ENG: variants seen among roughly 807,000 people sequenced by gnomAD.
ENG encodes CD105 antigen.
In ENG, 17 loss-of-function variants were observed where a neutral mutation model predicts 71.0. That is an observed-to-expected ratio of 0.24 (90% CI 0.16 to 0.36). The LOEUF is 0.36. Among genes scored for constraint, ENG ranks in the 10% least tolerant of loss-of-function variants. The pLI, the probability that ENG is intolerant of heterozygous loss-of-function variation, is 1.00. For missense variants in ENG, 749 were observed against 868.3 expected, an observed-to-expected ratio of 0.86 and a Z score of 1.73; for synonymous variants, 360 against 366.9, an observed-to-expected ratio of 0.98 and a Z score of 0.21.
In ENG at chr9:127,838,952, C is replaced by A. The variant is rs369452788; in HGVS notation, c.219+4142G>T. Among the ~76,000 whole-genome samples, 1 of 152,188 alleles carries A rather than the reference C, an allele frequency of 6.6e-6. No homozygotes were observed. The highest frequency in any genetic ancestry group is 6.5e-5 in the Admixed American group (1 of 15,284). On this transcript the variant is annotated intron_variant, in intron 2 of 14. Coordinates refer to ENST00000373203, the MANE Select transcript of ENG (RefSeq NM_001114753.3). The surrounding 1 kb of genome is among the most constrained non-coding windows in gnomAD (Gnocchi z 4.3). ...TGAGGGATGGACGGGAAAGCCACTTCTCTGTGCCAGAGATCGAAGAAGCCG... is the reference window on the plus strand; with the variant it reads ...TGAGGGATGGACGGGAAAGCCACTTATCTGTGCCAGAGATCGAAGAAGCCG...
intron 1 of ENG, among the ~76,000 whole-genome samples, chr9:127,850,760 G>A (rs946819696): frequency 1.3e-5 from 2 of 152,242 alleles, no homozygotes; most frequent in Non-Finnish European, 2.9e-5. Flanking sequence ...CACAGGCCAC[G>A]AGCCGCTGCA....
intron 8 of ENG, among the ~76,000 whole-genome samples, chr9:127,823,800 G>A (rs1020821564): frequency 6.7e-6 from 1 of 148,342 alleles, no homozygotes; most frequent in Non-Finnish European, 1.5e-5. Flanking sequence ...TTGTTCCTCA[G>A]CCTCCCAAGT....
intron 2 of ENG, among the ~76,000 whole-genome samples, chr9:127,834,171 C>T (rs1830836957): frequency 6.6e-6 from 1 of 152,184 alleles, no homozygotes; most frequent in South Asian, 2.1e-4. Flanking sequence ...CTCCTGGGTT[C>T]AAGCAATTGT....
At chr9:127,843,065 C>T in intron 2 of ENG, 29 bp downstream of exon 2, 1 of 1,613,438 alleles carries the variant, frequency 6.2e-7, no homozygotes, top group Non-Finnish European at 8.5e-7. Context: ...CCTCTGAGCC[C>T]CCACCCGACC....
Position 127,828,792 on chromosome 9 carries a change from C to T in ENG, c.360+895G>A, listed in dbSNP as rs41467744. ...CCGGAAGCTTCTCCCCTGTCCCCCA[C>T]GCCCAACTTCGCTCAAGCCTGCCTC... On this transcript the variant is annotated intron_variant, in intron 3 of 14. Coordinates refer to ENST00000373203, the MANE Select transcript of ENG (RefSeq NM_001114753.3). Among the ~76,000 whole-genome samples the T allele has an allele frequency of 8.2e-3, 1,245 of 152,280 alleles. 12 individuals carry two copies. The highest frequency in any genetic ancestry group is 0.028 in the African/African-American group (1,149 of 41,540).
In ENG at chr9:127,819,762, A is replaced by G. The variant is rs1830428305; in HGVS notation, c.1273-102T>C. On this transcript the variant is annotated intron_variant, in intron 9 of 14. Coordinates refer to ENST00000373203, the MANE Select transcript of ENG (RefSeq NM_001114753.3). ...TGCAGATGGGGAGACTAAGCCAACC[A>G]ATGGCCAAGCTTGTCTTGTGTTCTG... 3.1e-6 allele frequency: 5 copies of G among 1,595,452 alleles called. No individual in the cohort carries two copies. In the South Asian group the frequency reaches 5.6e-5, roughly 18 times the overall value.
chr9:127,817,881 G>A, intron 12 of ENG: 2 of 609,152 alleles, frequency 3.3e-6, no homozygotes, highest in East Asian at 5.6e-5. Flanking sequence ...TGGATGGATG[G>A]ATAGATGGAC....
Position 127,826,528 on chromosome 9 carries a change from G to A in ENG, c.505C>T (p.Leu169Phe), listed in dbSNP as rs2131890408. 6.2e-7 allele frequency: 1 copy of A among 1,614,132 alleles called. No individual in the cohort carries two copies. The highest frequency in any genetic ancestry group is 8.5e-7 in the Non-Finnish European group (1 of 1,179,990). ...AAELNDPQSILLRLGQAQGSL... is the reference protein window; with the variant it reads ...AAELNDPQSIFLRLGQAQGSL... ...AACTGACCTTGGCCCAGTCGGAGGA[G>A]GATGCTCTGGGGGTCATTCAGCTCA... Residue 169 changes from leucine (L) to phenylalanine (F), a missense_variant, in exon 4 of 15, where the codon CTC becomes TTC. By Grantham distance (22) the Leu-to-Phe change is conservative. Coordinates refer to ENST00000373203, the MANE Select transcript of ENG (RefSeq NM_001114753.3).
intron 4 of ENG, 47 bp from the exon 5 acceptor site, chr9:127,825,907 C>T (rs1388954906): frequency 6.4e-7 from 1 of 1,551,016 alleles, no homozygotes; most frequent in Admixed American, 1.9e-5. Context: ...CAGCCCTGCA[C>T]CTAACAGAGC....
intron 2 of ENG, among the ~76,000 whole-genome samples, chr9:127,831,835 G>A (rs1041283732): frequency 6.6e-6 from 1 of 151,456 alleles, no homozygotes; most frequent in African/African-American, 2.4e-5. Context: ...AGGACTACAG[G>A]CGTGTGCCAC....
chr9:127,831,378 CTT>C (rs796420341), intron 2 of ENG, among the ~76,000 whole-genome samples: 1 of 136,320 alleles, frequency 7.3e-6, no homozygotes. Flanking sequence ...GCCAGGTTGG[CTT>C]TTTTTTTTTT....
chr9:127,844,958 G>A (rs1053083569), intron 1 of ENG, among the ~76,000 whole-genome samples: 1 of 152,220 alleles, frequency 6.6e-6, no homozygotes, highest in Non-Finnish European at 1.5e-5. Flanking sequence ...GCAGACCGCA[G>A]AGCCCGGAAA....
chr9:127,827,057 T>C, intron 3 of ENG: 1 of 283,118 alleles, frequency 3.5e-6, no homozygotes, highest in Non-Finnish European at 7.0e-6. Context: ...TGCCCATCCT[T>C]GCACAGTGCT....
Position 127,838,024 on chromosome 9 carries a change from G to A in ENG, c.219+5070C>T, listed in dbSNP as rs994530609. Among the ~76,000 whole-genome samples the A allele has an allele frequency of 1.3e-5, 2 of 152,070 alleles. No homozygotes were observed. Among genetic ancestry groups the A allele is most frequent in the Non-Finnish European group, 2.9e-5 (2 of 68,016 alleles). On this transcript the variant is annotated intron_variant, in intron 2 of 14. Transcript: ENST00000373203. The surrounding 1 kb of genome is among the most constrained non-coding windows in gnomAD (Gnocchi z 4.3). ...AGTGCTTTCTCCTTCTCATCACTGT[G>A]GTTCTGACAGCCAGCAAGGGTGCTC...
rs1830398628 is a variant in ENG, at chr9:127,818,787, C to G, written c.1357G>C (p.Gly453Arg). Residue 453 changes from glycine to arginine, a missense_variant, in exon 11 of 15, where the codon GGC becomes CGC. Coordinates refer to ENST00000373203, the MANE Select transcript of ENG (RefSeq NM_001114753.3). The part of the protein sequence containing the change: ...LNMDSLSFQL[G>R]LYLSPHFLQA... Reference sequence around the variant, plus strand: ...AGGAAGTGTGGGCTGAGGTAGAGGCCCAGCTGGAAAGAGAGGCTGTCCATG... The same window carrying G: ...AGGAAGTGTGGGCTGAGGTAGAGGCGCAGCTGGAAAGAGAGGCTGTCCATG... 1 of 1,614,054 alleles carries G rather than the reference C, an allele frequency of 6.2e-7. No homozygotes were observed. Among genetic ancestry groups the G allele is most frequent in the Non-Finnish European group, 8.5e-7 (1 of 1,180,002 alleles).
chr9:127,837,163 T>C (rs1201249966), intron 2 of ENG, among the ~76,000 whole-genome samples: 3 of 152,168 alleles, frequency 2.0e-5, no homozygotes, highest in South Asian at 4.1e-4. Flanking sequence ...GTTTAGGGGC[T>C]GGGAAGCATG....
At chr9:127,817,813 G>GT (rs1014414865) in intron 12 of ENG, 122 of 520,886 alleles carry the variant, frequency 2.3e-4, no homozygotes, top group Middle Eastern at 1.0e-3. Context: ...TGTGCGGGTG[G>GT]TTAGATTCCT....
At chr9:127,824,498 G>C in intron 7 of ENG, 52 bp from the exon 8 acceptor site, 1 of 1,486,656 alleles carries the variant, frequency 6.7e-7, no homozygotes, top group Non-Finnish European at 9.1e-7. Flanking sequence ...TGATCACTGT[G>C]TGCCCGCACC....
intron 2 of ENG, among the ~76,000 whole-genome samples, chr9:127,839,326 A>G (rs4837184): frequency 0.99 from 151,331 of 152,254 alleles, 75,209 homozygotes; most frequent in Middle Eastern, 1. Flanking sequence ...AATGGGGACT[A>G]TGAGCTCTAG....
Sources: allele counts gnomAD v4.1 joint callset (sites outside exome capture counted in the v4.1 genomes callset), GRCh38; gene constraint gnomAD v4.1.1; non-coding constraint Gnocchi (gnomAD v3.1); transcripts MANE v1.5; gene names NCBI Gene and HGNC (gene_info 2026-07-23, HGNC 2026-07-21).